Variants in GML observed in about 807,000 individuals in gnomAD.
GML encodes the protein glycosylphosphatidylinositol anchored molecule like.
A neutral mutation model predicts 8.2 loss-of-function variants in GML; 5 were observed. The ratio of observed to expected loss-of-function variants is 0.61; its 90% CI spans 0.32 to 1.28. The LOEUF (loss-of-function observed/expected upper bound fraction) is 1.28, where lower values mean the gene tolerates loss of function less well. Ranked by LOEUF, GML falls within the 50% of genes most tolerant of loss-of-function variation. GML has a pLI of 0.06. For missense variants in GML, 191 were observed against 198.3 expected (o/e 0.96, Z 0.22); for synonymous variants, 72 against 69.0 (o/e 1.04, Z -0.22).
At chr8:142,838,875 T>A (rs1816382274) in intron 1 of GML, among the ~76,000 whole-genome samples, 1 of 152,162 alleles carries the variant, frequency 6.6e-6, no homozygotes, top group Non-Finnish European at 1.5e-5. Flanking sequence ...GACTTTCCAG[T>A]TTGCTGTCTT....
rs764687178 is a variant in GML, at chr8:142,846,557, C to T, written c.344C>T (p.Pro115Leu). 11 of 1,613,806 alleles carry T rather than the reference C, an allele frequency of 6.8e-6. No homozygotes were observed. Among genetic ancestry groups the T allele is most frequent in the Non-Finnish European group, 6.8e-6 (8 of 1,179,848 alleles). The part of the protein sequence containing the change: ...CNSMVCNAGG[P>L]TNLERDMLPD... Reference sequence around the variant, plus strand: ...AGCATGGTTTGCAATGCAGGAGGACCTACTAATCTTGAAAGGGACATGTTA... The same window carrying T: ...AGCATGGTTTGCAATGCAGGAGGACTTACTAATCTTGAAAGGGACATGTTA... The change falls in exon 4 of 4, where the codon CCT becomes CTT. Residue 115 changes from proline (P) to leucine (L), a missense_variant. By Grantham distance (98) the Pro-to-Leu change is moderately conservative. Coordinates refer to ENST00000220940, the MANE Select transcript of GML (RefSeq NM_002066.3).
chr8:142,836,426 ATT>A (rs1211971993), intron 1 of GML, among the ~76,000 whole-genome samples: 2 of 152,204 alleles, frequency 1.3e-5, no homozygotes, highest in Non-Finnish European at 2.9e-5. Flanking sequence ...ACATCCTGTT[ATT>A]TTTAAAATTT....
chr8:142,835,350 T>C (rs4736331), intron 1 of GML, among the ~76,000 whole-genome samples: 20,694 of 151,930 alleles, frequency 0.14, 1,821 homozygotes, highest in East Asian at 0.49. Flanking sequence ...AGTTCTTGAG[T>C]CCCCTTCCCT....
chr8:142,844,869 T>C (rs1022921493), intron 3 of GML, among the ~76,000 whole-genome samples: 1 of 152,330 alleles, frequency 6.6e-6, no homozygotes, highest in Non-Finnish European at 1.5e-5. Flanking sequence ...AACTCTTCGA[T>C]GTTGTCGGCT....
intron 3 of GML, among the ~76,000 whole-genome samples, chr8:142,842,303 C>T (rs1331262359): frequency 6.6e-6 from 1 of 152,190 alleles, no homozygotes; most frequent in Admixed American, 6.5e-5. Context: ...TGCCCAGTCT[C>T]GGGCAGTTCT....
chr8:142,840,496 C>G lies in GML; in HGVS notation c.59C>G (p.Thr20Ser). ...CTCCCATTGGTGGCAGCCAGTGCCA[C>G]CATGCGCGCTCAGTGTAAGTATCAT... ...MELPLVAASA[T>S]MRAQWTYSLR... The change falls in exon 2 of 4, where the codon ACC becomes AGC. Residue 20 changes from threonine (T) to serine (S), a missense_variant. Thr to Ser is a moderately conservative substitution (Grantham distance 58). Transcript: ENST00000220940. 1 of 1,610,050 alleles carries G rather than the reference C, an allele frequency of 6.2e-7. No homozygotes were observed. The highest frequency in any genetic ancestry group is 8.5e-7 in the Non-Finnish European group (1 of 1,176,230).
chr8:142,846,279 G>T, intron 3 of GML, 116 bp from the exon 4 acceptor site: 3 of 666,746 alleles, frequency 4.5e-6, no homozygotes, highest in Non-Finnish European at 7.9e-6. Context: ...ATCACAGCTG[G>T]GAGTGTAGAA....
intron 3 of GML, among the ~76,000 whole-genome samples, chr8:142,846,111 T>G (rs1183482419): frequency 6.6e-6 from 1 of 152,202 alleles, no homozygotes; most frequent in Non-Finnish European, 1.5e-5. Context: ...TGCGTGTAGC[T>G]ACATGACAAG....
chr8:142,842,878 G>A (rs553674121), intron 3 of GML, among the ~76,000 whole-genome samples: 76 of 152,332 alleles, frequency 5.0e-4, no homozygotes, highest in African/African-American at 1.7e-3. Flanking sequence ...AAGTGACCTA[G>A]CTCTGGACTG....
intron 3 of GML, among the ~76,000 whole-genome samples, chr8:142,841,927 T>C (rs970789611): frequency 6.6e-6 from 1 of 152,164 alleles, no homozygotes; most frequent in African/African-American, 2.4e-5. Flanking sequence ...GCTTGCAACT[T>C]CACATGTCAT....
Position 142,842,595 on chromosome 8 carries a change from G to A in GML, c.181+1370G>A, listed in dbSNP as rs143127274. 1.4e-4 allele frequency among the ~76,000 whole-genome samples: 21 copies of A among 152,326 alleles called. No individual in the cohort carries two copies. In the East Asian group the frequency reaches 2.9e-3, roughly 21 times the overall value. On this transcript the variant is annotated intron_variant, in intron 3 of 3. Coordinates refer to ENST00000220940, the MANE Select transcript of GML (RefSeq NM_002066.3). ...AGAGATCACTCTTCTGGAAGGTCAC[G>A]ATGGTTTAGTGAAGTGAAGGACACT...
chr8:142,841,145 G>C lies in GML; in HGVS notation c.101G>C (p.Cys34Ser). The C allele has an allele frequency of 1.9e-6, 3 of 1,575,928 alleles. No homozygotes were observed. Among genetic ancestry groups the C allele is most frequent in the Non-Finnish European group, 2.6e-6 (3 of 1,145,242 alleles). ...ACTTACAGTTTGAGATGCCATGACT[G>C]TGCGGTCATAAATGACTTCAACTGT... ...QWTYSLRCHD[C>S]AVINDFNCPN... Residue 34 changes from cysteine to serine, a missense_variant, in exon 3 of 4, where the codon TGT becomes TCT. By Grantham distance (112) the Cys-to-Ser change is moderately radical (BLOSUM62 -1). Transcript: ENST00000220940.
chr8:142,835,338 T>A (rs1816323423), intron 1 of GML, among the ~76,000 whole-genome samples: 1 of 152,028 alleles, frequency 6.6e-6, no homozygotes, highest in Non-Finnish European at 1.5e-5. Flanking sequence ...GGGGCTCCGT[T>A]CAGTTCTTGA....
At chr8:142,839,092 T>A (rs1262750197) in intron 1 of GML, among the ~76,000 whole-genome samples, 1 of 152,112 alleles carries the variant, frequency 6.6e-6, no homozygotes, top group Non-Finnish European at 1.5e-5. Context: ...AGCCCAGCTT[T>A]GGGAGCAAGT....
intron 3 of GML, 46 bp downstream of exon 3, chr8:142,841,271 A>G (rs1324599904): frequency 1.0e-6 from 1 of 977,518 alleles, no homozygotes; most frequent in African/African-American, 1.6e-5. Context: ...TTAGTCCCCT[A>G]CCTGGGTAGT....
In GML at chr8:142,841,140, T is replaced by C. The variant is rs1257867858; in HGVS notation, c.96T>C (p.His32=). 36 of 1,567,334 alleles carry C rather than the reference T, an allele frequency of 2.3e-5. No individual in the cohort carries two copies. The highest frequency in any genetic ancestry group is 2.9e-5 in the Non-Finnish European group (33 of 1,137,550). ...CAGGGACTTACAGTTTGAGATGCCA[T>C]GACTGTGCGGTCATAAATGACTTCA... is the stretch of plus-strand genomic sequence containing the variant. ...RAQWTYSLRC[H]DCAVINDFNC... Residue 32 remains histidine, a synonymous_variant, in exon 3 of 4, where the codon CAT becomes CAC. Coordinates refer to ENST00000220940, the MANE Select transcript of GML (RefSeq NM_002066.3).
At chr8:142,836,435 A>T (rs549592918) in intron 1 of GML, among the ~76,000 whole-genome samples, 214 of 152,160 alleles carry the variant, frequency 1.4e-3, no homozygotes, top group African/African-American at 4.9e-3. Context: ...TATTTTTAAA[A>T]TTTTTTCATC....
chr8:142,838,561 G>A (rs1442816707), intron 1 of GML, among the ~76,000 whole-genome samples: 1 of 152,164 alleles, frequency 6.6e-6, no homozygotes, highest in Admixed American at 6.5e-5. Flanking sequence ...CAGACTGACT[G>A]TTGAGAAAGC....
In GML at chr8:142,836,931, C is replaced by G. The variant is rs370445758; in HGVS notation, c.-23+2063C>G. The stretch of plus-strand genomic sequence containing the variant: ...TTTCTGAAATTGAAATCTTTTCTTT[C>G]GGAGGAAATAATTGTAATTAGGGGC... On this transcript the variant is annotated intron_variant, in intron 1 of 3. Transcript: ENST00000220940. Among the ~76,000 whole-genome samples the G allele has an allele frequency of 3.3e-5, 5 of 152,244 alleles. No homozygotes were observed. The East Asian group carries it at 5.8e-4, about 18-fold the overall frequency.
Sources: allele counts gnomAD v4.1 joint callset (sites outside exome capture counted in the v4.1 genomes callset), GRCh38; gene constraint gnomAD v4.1.1; transcripts MANE v1.5; gene names NCBI Gene and HGNC (gene_info 2026-07-23, HGNC 2026-07-21).